Variants in IL13 observed in about 807,000 individuals in gnomAD.
IL13 encodes interleukin-13.
Under a neutral mutation model 11.1 loss-of-function variants are expected in IL13, and 9 were observed. That is an observed-to-expected ratio of 0.81 (90% CI 0.49 to 1.42). IL13 has a LOEUF of 1.42. IL13 is among the 40% of genes most tolerant of loss of function. The pLI, the probability that IL13 is intolerant of heterozygous loss-of-function variation, is 0.00. For synonymous variants in IL13, 75 were observed against 76.9 expected (o/e 0.97, Z 0.13); for missense variants, 181 against 182.5 (o/e 0.99, Z 0.05).
upstream of IL13, chr5:132,658,125 G>A: frequency 1.2e-6 from 1 of 843,610 alleles, no homozygotes; most frequent in Non-Finnish European, 1.9e-6. Flanking sequence ...ATGGTGTCAG[G>A]CGTCACCACT....
intron 3 of IL13, 132 bp from the exon 4 acceptor site, chr5:132,660,043 G>A (rs569085982): frequency 8.3e-7 from 1 of 1,204,800 alleles, no homozygotes; most frequent in Non-Finnish European, 1.2e-6. Flanking sequence ...GTACAGTAGA[G>A]GTACTAACAG....
chr5:132,658,567 C>T (rs538901488), intron 1 of IL13: 2 of 484,066 alleles, frequency 4.1e-6, no homozygotes, highest in East Asian at 6.6e-5. Flanking sequence ...AGGTGTCTGG[C>T]AGACTCCCCA....
At chr5:132,656,954 C>G (rs1194093110), upstream of IL13, 1 of 152,524 alleles carries the variant, frequency 6.6e-6, no homozygotes, top group Non-Finnish European at 1.5e-5. Flanking sequence ...GAGGTTGAGC[C>G]CCATCGAGGA....
chr5:132,658,156 C>T (rs756326109), upstream of IL13: 1 of 1,480,476 alleles, frequency 6.8e-7, no homozygotes, highest in Non-Finnish European at 9.2e-7. Flanking sequence ...AAAGCTGCCA[C>T]AAGACGCCAA....
chr5:132,659,077 GCC>G lies in IL13; in HGVS notation c.175-339_175-338del. ...ATCTGATTTGTCTTGGTCAACAGTGGCCCAGGCCACTCCTACTTCACTCGTCC... is the reference window on the plus strand; with the variant it reads ...ATCTGATTTGTCTTGGTCAACAGTGGCAGGCCACTCCTACTTCACTCGTCC... On this transcript the variant is annotated intron_variant, in intron 1 of 3. Transcript: ENST00000304506. This position sits in a 1 kb window ranked among gnomAD's most constrained non-coding sequence, Gnocchi z 4.1. 1 of 323,628 alleles carries G rather than the reference GCC, an allele frequency of 3.1e-6. No individual in the cohort carries two copies. Among genetic ancestry groups the G allele is most frequent in the Non-Finnish European group, 6.0e-6 (1 of 166,092 alleles). 20.0% of individuals were successfully genotyped at this position (323,628 alleles called of 1,614,324 possible). A position where few individuals can be genotyped will look rare whatever the true frequency, so the allele number is the denominator to read the frequency against.
Position 132,659,387 on chromosome 5 carries a change from C to T in IL13, c.175-31C>T, listed in dbSNP as rs2069746. The stretch of plus-strand genomic sequence containing the variant: ...AGGGCAGGCCCACAACCCCTGCCAG[C>T]ACTCTGCTCACTGTCACTTTGCTCC... On this transcript the variant is annotated intron_variant, in intron 1 of 3. Transcript: ENST00000304506. This position sits in a 1 kb window ranked among gnomAD's most constrained non-coding sequence, Gnocchi z 4.1. 1.8e-3 allele frequency: 2,833 copies of T among 1,562,328 alleles called. 48 individuals are homozygous for T. The African/African-American group carries it at 0.031, about 17-fold the overall frequency.
In IL13 at chr5:132,660,585, G is replaced by T. The variant is rs892486627; in HGVS notation, c.*303G>T. 5 of 295,368 alleles carry T rather than the reference G, an allele frequency of 1.7e-5. No individual in the cohort carries two copies. The highest frequency in any genetic ancestry group is 3.2e-5 in the Non-Finnish European group (5 of 156,720). 18.3% of individuals were successfully genotyped at this position (295,368 alleles called of 1,614,324 possible). On this transcript the variant is annotated 3_prime_UTR_variant, in exon 4 of 4. Coordinates refer to ENST00000304506, the MANE Select transcript of IL13 (RefSeq NM_002188.3). ...CTAGAGCACACTGTAGCATTACAGT[G>T]GGTGCCCCCCTTGCCAGACATGTGG...
In IL13 at chr5:132,659,354, G is replaced by A. The variant is rs1365610208; in HGVS notation, c.175-64G>A. ...GCCTGTGCTGGGGCAGACCTGGCCT[G>A]GGCTGCCAGGGCAGGCCCACAACCC... On this transcript the variant is annotated intron_variant, in intron 1 of 3. Transcript: ENST00000304506. The surrounding 1 kb of genome is among the most constrained non-coding windows in gnomAD (Gnocchi z 4.1). The A allele has an allele frequency of 4.9e-6, 6 of 1,223,960 alleles. No individual in the cohort carries two copies. In the African/African-American group the frequency reaches 7.4e-5, roughly 15 times the overall value. 75.8% of individuals were successfully genotyped at this position (1,223,960 alleles called of 1,614,324 possible).
At chr5:132,657,612 G>A (rs1752063959), upstream of IL13, among the ~76,000 whole-genome samples, 1 of 152,198 alleles carries the variant, frequency 6.6e-6, no homozygotes, top group African/African-American at 2.4e-5. Flanking sequence ...CTCTCACAGT[G>A]GGGCCAAGGA....
chr5:132,659,352 C>T lies in IL13; in HGVS notation c.175-66C>T. 8.3e-7 allele frequency: 1 copy of T among 1,205,806 alleles called. No homozygotes were observed. The highest frequency in any genetic ancestry group is 1.2e-6 in the Non-Finnish European group (1 of 827,414). 74.7% of individuals were successfully genotyped at this position (1,205,806 alleles called of 1,614,324 possible). ...GGGCCTGTGCTGGGGCAGACCTGGC[C>T]TGGGCTGCCAGGGCAGGCCCACAAC... On this transcript the variant is annotated intron_variant, in intron 1 of 3. Transcript: ENST00000304506. This position sits in a 1 kb window ranked among gnomAD's most constrained non-coding sequence, Gnocchi z 4.1.
intron 1 of IL13, 165 bp downstream of exon 1, chr5:132,658,525 T>A: frequency 1.7e-6 from 1 of 572,332 alleles, no homozygotes; most frequent in Non-Finnish European, 3.1e-6. Flanking sequence ...GGAGCTGGGC[T>A]GGGGGGCTCA....
Position 132,660,403 on chromosome 5 carries a change from A to G in IL13, c.*121A>G. The G allele has an allele frequency of 6.9e-7, 1 of 1,445,718 alleles. No homozygotes were observed. Among genetic ancestry groups the G allele is most frequent in the Non-Finnish European group, 9.2e-7 (1 of 1,092,714 alleles). 89.6% of individuals were successfully genotyped at this position (1,445,718 alleles called of 1,614,324 possible). A position where few individuals can be genotyped will look rare whatever the true frequency, so the allele number is the denominator to read the frequency against. On this transcript the variant is annotated 3_prime_UTR_variant, in exon 4 of 4. Transcript: ENST00000304506. ...GGGAAGGAGGGTTAGGGAGGGGTAA[A>G]ATTCCTTAGCTTAGACCTCAGCCTG...
In IL13 at chr5:132,659,612, C is replaced by T. The variant is rs1000169601; in HGVS notation, c.229-112C>T. ...CTCCCGCCATAATCTGGCCCCTTCC[C>T]GCCCACCACCCAGACTCACCTGCGC... On this transcript the variant is annotated intron_variant, in intron 2 of 3. Transcript: ENST00000304506. The surrounding 1 kb of genome is among the most constrained non-coding windows in gnomAD (Gnocchi z 4.1). The T allele has an allele frequency of 3.6e-5, 57 of 1,593,698 alleles. No homozygotes were observed. Among genetic ancestry groups the T allele is most frequent in the African/African-American group, 1.2e-4 (9 of 74,624 alleles).
chr5:132,657,584 TCTGAA>T (rs1752063494), upstream of IL13, among the ~76,000 whole-genome samples: 1 of 152,058 alleles, frequency 6.6e-6, no homozygotes, highest in East Asian at 1.9e-4. Flanking sequence ...GACCTGGAAA[TCTGAA>T]CTTTGACAAT....
In IL13 at chr5:132,660,419, C is replaced by A; in HGVS notation, c.*137C>A. The A allele has an allele frequency of 2.9e-6, 4 of 1,382,590 alleles. No homozygotes were observed. The South Asian group carries it at 5.9e-5, about 20-fold the overall frequency. The allele number at this position is 1,382,590 out of a possible 1,614,324, so 85.6% of individuals were successfully genotyped here. ...GAGGGGTAAAATTCCTTAGCTTAGA[C>A]CTCAGCCTGTGCTGCCCGTCTTCAG... On this transcript the variant is annotated 3_prime_UTR_variant, in exon 4 of 4. Transcript: ENST00000304506.
chr5:132,660,041 G>C, intron 3 of IL13, 134 bp from the exon 4 acceptor site: 1 of 1,202,534 alleles, frequency 8.3e-7, no homozygotes, highest in Non-Finnish European at 1.2e-6. Flanking sequence ...CTGTACAGTA[G>C]AGGTACTAAC....
chr5:132,657,518 A>C (rs1387476533), upstream of IL13, among the ~76,000 whole-genome samples: 1 of 151,998 alleles, frequency 6.6e-6, no homozygotes, highest in Non-Finnish European at 1.5e-5. Context: ...CAAAACAAAA[A>C]AACACCAAAA....
chr5:132,660,275 T>C lies in IL13; in HGVS notation c.434T>C (p.Phe145Ser), dbSNP rs1337202282. 1 of 1,613,870 alleles carries C rather than the reference T, an allele frequency of 6.2e-7. No individual in the cohort carries two copies. ...HLKKLFREGQ[F>S]N ...AAGAAACTTTTTCGCGAGGGACAGT[T>C]CAACTGAAACTTCGAAAGCATCATT... is the stretch of plus-strand genomic sequence containing the variant. The change falls in exon 4 of 4, where the codon TTC becomes TCC. Residue 145 changes from phenylalanine (F) to serine (S), a missense_variant. Transcript: ENST00000304506.
upstream of IL13, among the ~76,000 whole-genome samples, chr5:132,657,889 C>G (rs55873847): frequency 1.6e-4 from 25 of 152,146 alleles, no homozygotes; most frequent in Non-Finnish European, 3.1e-4. Context: ...ACAGGCAAAA[C>G]TGCTGGAACT....
Sources: gnomAD v4.1 joint callset for allele counts (sites outside exome capture counted in the v4.1 genomes callset) on GRCh38, gnomAD v4.1.1 for gene constraint, Gnocchi (gnomAD v3.1) non-coding constraint, MANE v1.5 for transcripts, NCBI Gene and HGNC (gene_info 2026-07-23, HGNC 2026-07-21) for gene names.